Variants in TNFAIP1 observed in about 807,000 individuals in gnomAD.
TNFAIP1 encodes the protein TNF alpha induced protein 1.
Under a neutral mutation model 32.6 loss-of-function variants are expected in TNFAIP1, and 20 were observed. The ratio of observed to expected loss-of-function variants is 0.61; its 90% CI spans 0.43 to 0.89. The LOEUF (loss-of-function observed/expected upper bound fraction) is 0.89, where lower values mean the gene tolerates loss of function less well. Ranked by LOEUF, TNFAIP1 falls within the 40% of genes least tolerant of loss-of-function variation. The pLI is 0.00. For missense variants in TNFAIP1, 319 were observed against 425.1 expected, an observed-to-expected ratio of 0.75 and a Z score of 2.20; for synonymous variants, 166 against 166.8, an observed-to-expected ratio of 1.00 and a Z score of 0.04.
chr17:28,341,323 C>A lies in TNFAIP1; in HGVS notation c.462C>A (p.Thr154=), dbSNP rs781960893. 6.8e-6 allele frequency: 11 copies of A among 1,614,110 alleles called. No homozygotes were observed. In the African/African-American group the frequency reaches 1.5e-4, roughly 22 times the overall value. The change falls in exon 4 of 7, where the codon ACC becomes ACA. Residue 154 remains threonine, a synonymous_variant. Coordinates refer to ENST00000226225, the MANE Select transcript of TNFAIP1 (RefSeq NM_021137.5). The part of the protein sequence containing the change: ...KEEERLIESS[T]KPVVKLLYNR... ...AGGAGCGGCTCATCGAATCCTCCAC[C>A]AAGGTACCAGGACCTCTGAGGGGTG...
rs782354780 is a variant in TNFAIP1 at position 28,342,208 on chromosome 17, A to C, written c.519-39A>C. 33 of 1,410,778 alleles carry C rather than the reference A, an allele frequency of 2.3e-5. No homozygotes were observed. The highest frequency in any genetic ancestry group is 3.0e-5 in the Non-Finnish European group (32 of 1,077,194). 87.4% of individuals were successfully genotyped at this position (1,410,778 alleles called of 1,614,324 possible). On this transcript the variant is annotated intron_variant, in intron 5 of 6. Transcript: ENST00000226225. The surrounding 1 kb of genome is among the most constrained non-coding windows in gnomAD (Gnocchi z 4.0). ...GTCTAGCACCCTCCCTTGGACTGGA[A>C]CCTCACTCCCAGCCGCTTGGCCCTC...
chr17:28,341,616 C>A (rs994463043), intron 5 of TNFAIP1, among the ~76,000 whole-genome samples, 160 bp downstream of exon 5: 27 of 152,248 alleles, frequency 1.8e-4, no homozygotes, highest in Admixed American at 1.3e-4. Context: ...GGACAGAGGC[C>A]TTTGGAACTC....
chr17:28,344,553 A>G lies in TNFAIP1; in HGVS notation c.904A>G (p.Thr302Ala). 6.2e-7 allele frequency: 1 copy of G among 1,613,738 alleles called. No individual in the cohort carries two copies. Among genetic ancestry groups the G allele is most frequent in the Non-Finnish European group, 8.5e-7 (1 of 1,180,020 alleles). The change falls in exon 7 of 7, where the codon ACT becomes GCT. Residue 302 changes from threonine to alanine, a missense_variant. Thr to Ala is a moderately conservative substitution (Grantham distance 58). Transcript: ENST00000226225. Reference sequence around the variant, plus strand: ...CCGCATCCACGTCAAGCGCTACAGCACTTACGATGACCGGCAGCTCGGCCA... The same window carrying G: ...CCGCATCCACGTCAAGCGCTACAGCGCTTACGATGACCGGCAGCTCGGCCA... ...VRRIHVKRYS[T>A]YDDRQLGHQS...
chr17:28,341,354 CG>C, intron 4 of TNFAIP1, 28 bp downstream of exon 4: 1 of 1,614,140 alleles, frequency 6.2e-7, no homozygotes, highest in African/African-American at 1.3e-5. Flanking sequence ...GGGTGCGGGC[CG>C]GGGATGCCAG....
intron 1 of TNFAIP1, among the ~76,000 whole-genome samples, chr17:28,336,260 C>T (rs1907151322): frequency 6.6e-6 from 1 of 152,204 alleles, no homozygotes. Context: ...TTCCCATTAG[C>T]TTCGTTGCGT....
chr17:28,344,444 C>T lies in TNFAIP1; in HGVS notation c.795C>T (p.Ser265=), dbSNP rs1446418592. Residue 265 remains serine (S), a synonymous_variant, in exon 7 of 7, where the codon TCC becomes TCT. Coordinates refer to ENST00000226225, the MANE Select transcript of TNFAIP1 (RefSeq NM_021137.5). ...LYETPRVPDN[S]LLEATSRSRS... ...AGACTCCCCGCGTCCCCGACAACTC[C>T]TTGTTGGAGGCCACAAGCCGTAGCC... is the stretch of plus-strand genomic sequence containing the variant. The T allele has an allele frequency of 6.2e-7, 1 of 1,613,938 alleles. No individual in the cohort carries two copies. The highest frequency in any genetic ancestry group is 8.5e-7 in the Non-Finnish European group (1 of 1,180,040).
chr17:28,342,625 C>T lies in TNFAIP1; in HGVS notation c.714+183C>T. On this transcript the variant is annotated intron_variant, in intron 6 of 6. Transcript: ENST00000226225. The surrounding 1 kb of genome is among the most constrained non-coding windows in gnomAD (Gnocchi z 4.0). ...GGGTGTGGGGAATGGACGGGAACTG[C>T]TTTGTTCCTGACAGCGCAGGGCAGG... 1.8e-6 allele frequency: 1 copy of T among 564,416 alleles called. No homozygotes were observed. The highest frequency in any genetic ancestry group is 5.1e-4 in the Middle Eastern group (1 of 1,956). The allele number at this position is 564,416 out of a possible 1,614,324, so 35.0% of individuals were successfully genotyped here.
At chr17:28,344,246 G>A (rs558918136) in intron 6 of TNFAIP1, 118 bp from the exon 7 acceptor site, 471 of 877,938 alleles carry the variant, frequency 5.4e-4, no homozygotes, top group African/African-American at 1.1e-3. Flanking sequence ...GAGACGGACC[G>A]CCACCTGTTT....
In TNFAIP1 at chr17:28,342,262, C is replaced by T; in HGVS notation, c.534C>T (p.His178=). 1 of 1,582,610 alleles carries T rather than the reference C, an allele frequency of 6.3e-7. No individual in the cohort carries two copies. Among genetic ancestry groups the T allele is most frequent in the South Asian group, 1.1e-5 (1 of 90,070 alleles). Residue 178 remains histidine (H), a synonymous_variant, in exon 6 of 7, where the codon CAC becomes CAT. Transcript: ENST00000226225. The surrounding 1 kb of genome is among the most constrained non-coding windows in gnomAD (Gnocchi z 4.0). The stretch of plus-strand genomic sequence containing the variant: ...TTTTTTTCAGCAACTCTGACGACCA[C>T]CTGCTGAAAAACATCGAGCTGTTTG... ...KYSYTSNSDD[H]LLKNIELFDK... is the part of the protein sequence containing the mutation.
chr17:28,343,826 C>A (rs1247684034), intron 6 of TNFAIP1, among the ~76,000 whole-genome samples: 1 of 152,058 alleles, frequency 6.6e-6, no homozygotes, highest in Non-Finnish European at 1.5e-5. Context: ...TCTCCTTCCT[C>A]CAGGCAGGTC....
In TNFAIP1 at chr17:28,341,546, C is replaced by T; in HGVS notation, c.518+90C>T. 4 of 1,469,658 alleles carry T rather than the reference C, an allele frequency of 2.7e-6. No homozygotes were observed. In the South Asian group the frequency reaches 4.6e-5, roughly 17 times the overall value. 91.0% of individuals were successfully genotyped at this position (1,469,658 alleles called of 1,614,324 possible). On this transcript the variant is annotated intron_variant, in intron 5 of 6. Coordinates refer to ENST00000226225, the MANE Select transcript of TNFAIP1 (RefSeq NM_021137.5). ...CCAGCACGGTCGGCGTGGGTCTGGG[C>T]CTGGGTCTTGGAACTGGCTGTGCCA...
At position 28,342,509 on chromosome 17, in the gene TNFAIP1, G is replaced by T; in HGVS notation, c.714+67G>T. 6.9e-7 allele frequency: 1 copy of T among 1,458,268 alleles called. No homozygotes were observed. Among genetic ancestry groups the T allele is most frequent in the Non-Finnish European group, 9.3e-7 (1 of 1,079,570 alleles). The allele number at this position is 1,458,268 out of a possible 1,614,324, so 90.3% of individuals were successfully genotyped here. ...CCCACTGTGCGGGGGACGTGGTCGG[G>T]CTGTGACCAGCACGGAGCAAAAGGG... On this transcript the variant is annotated intron_variant, in intron 6 of 6. Coordinates refer to ENST00000226225, the MANE Select transcript of TNFAIP1 (RefSeq NM_021137.5). This position sits in a 1 kb window ranked among gnomAD's most constrained non-coding sequence, Gnocchi z 4.0.
rs1907410951 is a variant in TNFAIP1, at chr17:28,342,687, G to A, written c.714+245G>A. Among the ~76,000 whole-genome samples, 1 of 152,232 alleles carries A rather than the reference G, an allele frequency of 6.6e-6. No homozygotes were observed. The highest frequency in any genetic ancestry group is 1.5e-5 in the Non-Finnish European group (1 of 68,040). The stretch of plus-strand genomic sequence containing the variant: ...ACCAGGAAGTAGCCTAGTACAGTGG[G>A]AAGGACTGGGTCTTTGAAGTTGGCC... On this transcript the variant is annotated intron_variant, in intron 6 of 6. Coordinates refer to ENST00000226225, the MANE Select transcript of TNFAIP1 (RefSeq NM_021137.5). The surrounding 1 kb of genome is among the most constrained non-coding windows in gnomAD (Gnocchi z 4.0).
At chr17:28,341,903 T>A (rs1285300411) in intron 5 of TNFAIP1, among the ~76,000 whole-genome samples, 2 of 152,142 alleles carry the variant, frequency 1.3e-5, no homozygotes, top group African/African-American at 4.8e-5. Flanking sequence ...TCCCTATGAT[T>A]CCCTGTGGCC....
At chr17:28,344,335 T>C (rs782393673) in intron 6 of TNFAIP1, 29 bp from the exon 7 acceptor site, 1 of 1,593,008 alleles carries the variant, frequency 6.3e-7, no homozygotes, top group Non-Finnish European at 8.6e-7. Context: ...GATGAAACCT[T>C]GCTCCACCTT....
rs1555578630 is a variant in TNFAIP1 at position 28,344,544 on chromosome 17, C to T, written c.895C>T (p.Arg299Cys). 3.7e-6 allele frequency: 6 copies of T among 1,613,818 alleles called. No homozygotes were observed. Among genetic ancestry groups the T allele is most frequent in the South Asian group, 1.1e-5 (1 of 91,086 alleles). The change falls in exon 7 of 7, where the codon CGC (arginine) becomes TGC (cysteine). Residue 299 changes from arginine (R) to cysteine (C), a missense_variant. Arg to Cys is a radical substitution (Grantham distance 180). Transcript: ENST00000226225. The stretch of plus-strand genomic sequence containing the variant: ...CCGTGTCCGCCGCATCCACGTCAAG[C>T]GCTACAGCACTTACGATGACCGGCA... ...RDRVRRIHVK[R>C]YSTYDDRQLG...
At position 28,340,626 on chromosome 17, in the gene TNFAIP1, GC is replaced by G; in HGVS notation, c.375+151del. 1 of 876,180 alleles carries G rather than the reference GC, an allele frequency of 1.1e-6. No homozygotes were observed. Among genetic ancestry groups the G allele is most frequent in the Non-Finnish European group, 1.7e-6 (1 of 587,200 alleles). 54.3% of individuals were successfully genotyped at this position (876,180 alleles called of 1,614,324 possible). ...ATGAGACAAGTGAGATGCCACCCAGGCCCACCAACCTGGCAGCCAGGTGTTC... is the reference window on the plus strand; with the variant it reads ...ATGAGACAAGTGAGATGCCACCCAGGCCACCAACCTGGCAGCCAGGTGTTC... On this transcript the variant is annotated intron_variant, in intron 3 of 6. Transcript: ENST00000226225. This position sits in a 1 kb window ranked among gnomAD's most constrained non-coding sequence, Gnocchi z 4.1.
rs1555578165 is a variant in TNFAIP1 at position 28,341,456 on chromosome 17, G to A, written c.518G>A (p.Ser173Asn). The part of the protein sequence containing the change: ...NRSNNKYSYT[S>N]NSDDHLLKNI... ...AGCAACAACAAGTATTCCTACACCA[G>A]GTAGGGTGCGTCACAGGGCTCAACA... Residue 173 changes from serine to asparagine, a missense_variant and splice_region_variant, in exon 5 of 7, where the codon AGC becomes AAC. Coordinates refer to ENST00000226225, the MANE Select transcript of TNFAIP1 (RefSeq NM_021137.5). 5 of 1,614,090 alleles carry A rather than the reference G, an allele frequency of 3.1e-6. No individual in the cohort carries two copies. The highest frequency in any genetic ancestry group is 4.2e-6 in the Non-Finnish European group (5 of 1,179,984).
rs1445114297 is a variant in TNFAIP1 at position 28,340,246 on chromosome 17, C to G, written c.206-63C>G. ...CACCTGCCGCCAGCTTGTCAGGTGGCCTTTGCCTGCCTCGGAGGTACCTGG... is the reference window on the plus strand; with the variant it reads ...CACCTGCCGCCAGCTTGTCAGGTGGGCTTTGCCTGCCTCGGAGGTACCTGG... On this transcript the variant is annotated intron_variant, in intron 2 of 6. Transcript: ENST00000226225. The surrounding 1 kb of genome is among the most constrained non-coding windows in gnomAD (Gnocchi z 4.1). 2 of 1,571,148 alleles carry G rather than the reference C, an allele frequency of 1.3e-6. No homozygotes were observed. Among genetic ancestry groups the G allele is most frequent in the Non-Finnish European group, 8.7e-7 (1 of 1,149,378 alleles).
Sources: gnomAD v4.1 joint callset for allele counts (sites outside exome capture counted in the v4.1 genomes callset) on GRCh38, gnomAD v4.1.1 for gene constraint, Gnocchi (gnomAD v3.1) non-coding constraint, MANE v1.5 for transcripts, NCBI Gene and HGNC (gene_info 2026-07-23, HGNC 2026-07-21) for gene names.